Variants in PCDH15 observed in about 807,000 individuals in gnomAD.
PCDH15 encodes protocadherin-15.
Under a neutral mutation model 178.5 loss-of-function variants are expected in PCDH15, and 129 were observed. The ratio of observed to expected loss-of-function variants is 0.72; its 90% confidence interval spans 0.63 to 0.84. The LOEUF (loss-of-function observed/expected upper bound fraction) is 0.84. Ranked by LOEUF, PCDH15 falls within the 40% of genes least tolerant of loss-of-function variation. The pLI is 0.00. For missense variants in PCDH15, 2,230 were observed against 2,099.9 expected, an observed-to-expected ratio of 1.06 and a Z score of -1.21; for synonymous variants, 800 against 732.0, an observed-to-expected ratio of 1.09 and a Z score of -1.50.
intron 3 of PCDH15, among the ~76,000 whole-genome samples, chr10:54,860,165 T>G (rs1323865745): frequency 6.6e-6 from 1 of 152,158 alleles, no homozygotes; most frequent in African/African-American, 2.4e-5. Flanking sequence ...ACTTTTATTT[T>G]AGATTCAGGG....
chr10:54,147,571 G>A (rs2044112391), intron 14 of PCDH15, among the ~76,000 whole-genome samples: 1 of 151,758 alleles, frequency 6.6e-6, no homozygotes, highest in South Asian at 2.1e-4. Flanking sequence ...CACTTCAAAT[G>A]TAATATATTG....
chr10:54,378,799 T>C lies in PCDH15; in HGVS notation c.301A>G (p.Arg101Gly), dbSNP rs1202064807. The C allele has an allele frequency of 6.2e-7, 1 of 1,613,840 alleles. No individual in the cohort carries two copies. The highest frequency in any genetic ancestry group is 8.5e-7 in the Non-Finnish European group (1 of 1,179,840). The stretch of plus-strand genomic sequence containing the variant: ...TCACTAACATCTCTATCCAGAACTC[T>C]TCCGGTGCTGTTCAGGAAAAGCATT... The part of the protein sequence containing the change: ...KQMLFLNSTG[R>G]VLDRDPPMNI... Residue 101 changes from arginine (R) to glycine (G), a missense_variant, in exon 4 of 38, where the codon AGA (arginine) becomes GGA (glycine). Arg to Gly is a moderately radical substitution (Grantham distance 125). Transcript: ENST00000644397.
chr10:53,890,753 T>C (rs542813045), intron 26 of PCDH15, among the ~76,000 whole-genome samples: 2 of 152,290 alleles, frequency 1.3e-5, no homozygotes, highest in African/African-American at 2.4e-5. Flanking sequence ...AGGCATTTCA[T>C]TGCCTGTTTT....
At chr10:54,841,745 T>C (rs1953422507) in intron 3 of PCDH15, among the ~76,000 whole-genome samples, 1 of 151,798 alleles carries the variant, frequency 6.6e-6, no homozygotes, top group Admixed American at 6.6e-5. Context: ...TGCATTCAGT[T>C]TGTTTTCTAA....
intron 11 of PCDH15, among the ~76,000 whole-genome samples, chr10:54,190,299 C>G (rs2048874888): frequency 6.6e-6 from 1 of 152,198 alleles, no homozygotes; most frequent in Non-Finnish European, 1.5e-5. Context: ...GAGGCTTAAT[C>G]TCTAATACTA....
intron 3 of PCDH15, among the ~76,000 whole-genome samples, chr10:54,418,731 G>C (rs1369826482): frequency 6.6e-6 from 1 of 151,690 alleles, no homozygotes; most frequent in African/African-American, 2.4e-5. Context: ...TAATTTGGGG[G>C]TGAGAAGGCC....
intron 2 of PCDH15, among the ~76,000 whole-genome samples, chr10:55,578,149 A>G (rs1842531145): frequency 6.6e-6 from 1 of 152,086 alleles, no homozygotes; most frequent in Non-Finnish European, 1.5e-5. Flanking sequence ...TAATTAAGCC[A>G]GGTTGAAAGT....
chr10:54,170,639 C>A (rs1314967722), intron 13 of PCDH15, among the ~76,000 whole-genome samples: 1 of 151,714 alleles, frequency 6.6e-6, no homozygotes, highest in Non-Finnish European at 1.5e-5. Context: ...TGATACCACA[C>A]CTGACCCCCA....
intron 2 of PCDH15, among the ~76,000 whole-genome samples, chr10:55,353,126 T>C (rs1301154464): frequency 1.3e-5 from 2 of 152,128 alleles, no homozygotes; most frequent in Non-Finnish European, 2.9e-5. Context: ...TACCACTTCT[T>C]CAAGCATCTC....
At chr10:55,516,698 G>A (rs1221335637) in intron 2 of PCDH15, among the ~76,000 whole-genome samples, 3 of 152,126 alleles carry the variant, frequency 2.0e-5, no homozygotes, top group Non-Finnish European at 1.5e-5. Flanking sequence ...TAGGTAATAA[G>A]TTCTTTTATA....
At chr10:55,558,353 A>T (rs144494914) in intron 2 of PCDH15, among the ~76,000 whole-genome samples, 222 of 152,188 alleles carry the variant, frequency 1.5e-3, no homozygotes, top group African/African-American at 5.1e-3. Flanking sequence ...ATTGGAATTG[A>T]CTCACATGAT....
chr10:55,365,728 C>T (rs879523806), intron 2 of PCDH15, among the ~76,000 whole-genome samples: 1 of 152,066 alleles, frequency 6.6e-6, no homozygotes, highest in African/African-American at 2.4e-5. Flanking sequence ...TGAGACATGC[C>T]TTTCACCTTC....
At chr10:54,263,021 C>A (rs4540758) in intron 8 of PCDH15, among the ~76,000 whole-genome samples, 1 of 148,612 alleles carries the variant, frequency 6.7e-6, no homozygotes, top group Non-Finnish European at 1.5e-5. Context: ...CACTGCCCTG[C>A]CTGGAGATCC....
At chr10:54,175,231 C>T (rs747546863) in intron 13 of PCDH15, among the ~76,000 whole-genome samples, 20 of 152,014 alleles carry the variant, frequency 1.3e-4, no homozygotes, top group Non-Finnish European at 2.5e-4. Context: ...AAGAAATTGT[C>T]GTCTATGGCC....
intron 2 of PCDH15, among the ~76,000 whole-genome samples, chr10:55,152,698 G>A (rs1040881980): frequency 1.3e-5 from 2 of 152,084 alleles, no homozygotes; most frequent in African/African-American, 4.8e-5. Context: ...GAGAAGACAG[G>A]TTCAAGAAAA....
chr10:55,558,895 G>C (rs1842140702), intron 2 of PCDH15, among the ~76,000 whole-genome samples: 2 of 151,934 alleles, frequency 1.3e-5, no homozygotes, highest in Non-Finnish European at 2.9e-5. Context: ...TGTAATACAT[G>C]TACAGATACG....
chr10:55,298,768 C>T (rs978626863), intron 1 of PCDH15, among the ~76,000 whole-genome samples: 10 of 151,924 alleles, frequency 6.6e-5, no homozygotes, highest in South Asian at 4.2e-4. Flanking sequence ...TTAGTAGAGA[C>T]GGTTTCACCA....
chr10:55,251,063 C>T (rs1208193063), intron 1 of PCDH15, among the ~76,000 whole-genome samples: 2 of 151,992 alleles, frequency 1.3e-5, no homozygotes, highest in Non-Finnish European at 2.9e-5. Context: ...ACCCTTTACT[C>T]AATTTCCCCA....
rs988648724 is a variant in PCDH15, at chr10:55,530,451, C to T, written c.-156+97174G>A. Among the ~76,000 whole-genome samples the T allele has an allele frequency of 2.6e-5, 4 of 151,918 alleles. No individual in the cohort carries two copies. In the Admixed American group the frequency reaches 2.6e-4, roughly 10 times the overall value. ...AAATCTTTCCCTCTTGTGTACATGA[C>T]CTGAGCCAAATCTTGAGTGAGGATC... On this transcript the variant is annotated intron_variant, in intron 2 of 5. Coordinates refer to the PCDH15 transcript ENST00000613346.
Sources: allele counts gnomAD v4.1 joint callset (sites outside exome capture counted in the v4.1 genomes callset), GRCh38; gene constraint gnomAD v4.1.1; transcripts MANE v1.5; gene names NCBI Gene and HGNC (gene_info 2026-07-23, HGNC 2026-07-21).